Variants in SMIM14 observed in about 807,000 individuals in gnomAD.
SMIM14 encodes small integral membrane protein 14, also known as chromosome 4 open reading frame 34.
Under a neutral mutation model 12.6 loss-of-function variants are expected in SMIM14, and 5 were observed. The ratio of observed to expected loss-of-function variants is 0.40; its 90% CI spans 0.21 to 0.83. The LOEUF (loss-of-function observed/expected upper bound fraction) is 0.83, where lower values mean the gene tolerates loss of function less well. Among genes scored for constraint, SMIM14 ranks in the 40% least tolerant of loss-of-function variants. The probability of loss-of-function intolerance (pLI) is 0.37; values close to 1 mark genes in which losing one functional copy is unlikely to be tolerated. For synonymous variants in SMIM14, 30 were observed against 40.1 expected (o/e 0.75, Z 0.95); for missense variants, 86 against 119.1 (o/e 0.72, Z 1.29).
At chr4:39,603,252 A>T (rs751462669) in intron 2 of SMIM14, among the ~76,000 whole-genome samples, 50 of 152,348 alleles carry the variant, frequency 3.3e-4, no homozygotes, top group Admixed American at 1.1e-3. Flanking sequence ...TTCCTTTTGC[A>T]CATAAAAAGT....
At chr4:39,562,503 T>A (rs1712360522) in intron 3 of SMIM14, among the ~76,000 whole-genome samples, 1 of 152,154 alleles carries the variant, frequency 6.6e-6, no homozygotes, top group African/African-American at 2.4e-5. Flanking sequence ...TTTCTGTTTT[T>A]ATTGAGTCAG....
chr4:39,586,710 C>T (rs1427065431), intron 2 of SMIM14, among the ~76,000 whole-genome samples: 1 of 152,068 alleles, frequency 6.6e-6, no homozygotes, highest in Non-Finnish European at 1.5e-5. Context: ...GTTGCAAAGT[C>T]ACTTACCCGT....
At position 39,576,658 on chromosome 4, in the gene SMIM14, GTGTATATATATA is replaced by G. The variant is rs147329538; in HGVS notation, c.76-4207_76-4196del. Reference sequence around the variant, plus strand: ...AACTTATACCTATGTGTGTGTGTATGTGTATATATATATATATATATATATATTTTTTTTTTT... The same window carrying G: ...AACTTATACCTATGTGTGTGTGTATGTATATATATATATATTTTTTTTTTT... On this transcript the variant is annotated intron_variant, in intron 2 of 4. Transcript: ENST00000295958. Among the ~76,000 whole-genome samples, 47 of 40,418 alleles carry G rather than the reference GTGTATATATATA, an allele frequency of 1.2e-3. 4 individuals carry two copies. The highest frequency in any genetic ancestry group is 8.3e-3 in the East Asian group (10 of 1,206). The allele number at this position is 40,418 out of a possible 152,430, so 26.5% of individuals were successfully genotyped here.
At chr4:39,610,857 T>C (rs552237604) in intron 1 of SMIM14, among the ~76,000 whole-genome samples, 6 of 152,230 alleles carry the variant, frequency 3.9e-5, no homozygotes, top group African/African-American at 1.4e-4. Flanking sequence ...AAATTTTAAT[T>C]TTAAAAAGGC....
intron 3 of SMIM14, among the ~76,000 whole-genome samples, chr4:39,563,626 T>G (rs949129866): frequency 6.6e-6 from 1 of 152,250 alleles, no homozygotes; most frequent in Non-Finnish European, 1.5e-5. Context: ...CTGTCTGGCA[T>G]GTTCTTACAA....
intron 4 of SMIM14, among the ~76,000 whole-genome samples, chr4:39,555,231 C>G (rs1711950447): frequency 6.6e-6 from 1 of 151,378 alleles, no homozygotes; most frequent in African/African-American, 2.4e-5. Context: ...AATCCTTTAA[C>G]AGAGGTTCTT....
At chr4:39,560,511 T>A (rs1010040082) in intron 3 of SMIM14, among the ~76,000 whole-genome samples, 3 of 151,460 alleles carry the variant, frequency 2.0e-5, no homozygotes, top group Non-Finnish European at 4.4e-5. Context: ...TATATCAGAG[T>A]CAACTGAAAA....
chr4:39,592,999 T>G (rs547947777), intron 2 of SMIM14: 8 of 151,882 alleles, frequency 5.3e-5, no homozygotes, highest in East Asian at 1.9e-4. Context: ...TACCATTCCT[T>G]CTGAAACTAT....
chr4:39,567,774 G>C (rs35869506), intron 3 of SMIM14, among the ~76,000 whole-genome samples: 15,050 of 151,990 alleles, frequency 0.099, 1,007 homozygotes, highest in East Asian at 0.23. Flanking sequence ...GGGCATGGTT[G>C]TATGCTCCTG....
intron 3 of SMIM14, among the ~76,000 whole-genome samples, chr4:39,564,038 C>T (rs1162853594): frequency 4.6e-5 from 7 of 152,116 alleles, no homozygotes; most frequent in Admixed American, 4.6e-4. Context: ...AGCAATTCCC[C>T]TGCCTCACAA....
intron 3 of SMIM14, among the ~76,000 whole-genome samples, chr4:39,557,698 A>ACC (rs1360048475): frequency 3.9e-5 from 6 of 152,194 alleles, no homozygotes; most frequent in Non-Finnish European, 7.3e-5. Context: ...ACAATTTTGT[A>ACC]TATAATTGTG....
At chr4:39,620,008 C>G (rs1392154940) in intron 1 of SMIM14, among the ~76,000 whole-genome samples, 3 of 150,564 alleles carry the variant, frequency 2.0e-5, no homozygotes, top group Non-Finnish European at 4.4e-5. Flanking sequence ...TCCTGAGGAG[C>G]TGGGACTAGA....
Position 39,558,305 on chromosome 4 carries a change from T to C in SMIM14, c.125-1735A>G, listed in dbSNP as rs1712117956. Among the ~76,000 whole-genome samples the C allele has an allele frequency of 6.6e-6, 1 of 152,200 alleles. No individual in the cohort carries two copies. The highest frequency in any genetic ancestry group is 2.1e-4 in the South Asian group (1 of 4,830). ...GAATTCGAGACCAGCCTGGGCGATA[T>C]GGTGAAACCCCATCTCTGAGGGAGA... On this transcript the variant is annotated intron_variant, in intron 3 of 4. Coordinates refer to ENST00000295958, the MANE Select transcript of SMIM14 (RefSeq NM_174921.3). This position sits in a 1 kb window ranked among gnomAD's most constrained non-coding sequence, Gnocchi z 4.3.
intron 2 of SMIM14, among the ~76,000 whole-genome samples, chr4:39,584,124 A>G (rs1164878350): frequency 6.6e-6 from 1 of 151,994 alleles, no homozygotes; most frequent in African/African-American, 2.4e-5. Flanking sequence ...GAAACCAGCT[A>G]GAACCTAATA....
intron 2 of SMIM14, among the ~76,000 whole-genome samples, chr4:39,577,188 AGGC>A (rs1452571834): frequency 6.6e-6 from 1 of 151,894 alleles, no homozygotes; most frequent in Non-Finnish European, 1.5e-5. Context: ...GAGGAGGAGG[AGGC>A]TTCCCTTTGA....
At chr4:39,562,560 C>T (rs568963588) in intron 3 of SMIM14, among the ~76,000 whole-genome samples, 1 of 152,158 alleles carries the variant, frequency 6.6e-6, no homozygotes, top group African/African-American at 2.4e-5. Context: ...ACAATCACAG[C>T]TCACTGCAAC....
intron 3 of SMIM14, among the ~76,000 whole-genome samples, chr4:39,564,639 T>C (rs1310288286): frequency 9.2e-5 from 14 of 152,174 alleles, no homozygotes; most frequent in Admixed American, 9.2e-4. Flanking sequence ...AAAGATAACC[T>C]GAATGGAAAG....
chr4:39,628,598 C>T (rs1282584915), intron 1 of SMIM14, among the ~76,000 whole-genome samples: 1 of 151,586 alleles, frequency 6.6e-6, no homozygotes, highest in Admixed American at 6.6e-5. Context: ...AGGAGAATCG[C>T]TTGAACCTGG....
intron 3 of SMIM14, among the ~76,000 whole-genome samples, chr4:39,557,184 G>C (rs1440897967): frequency 2.6e-5 from 4 of 151,920 alleles, no homozygotes; most frequent in African/African-American, 9.7e-5. Flanking sequence ...GCTAATTTTT[G>C]TATTTCTAGT....
Sources: allele counts gnomAD v4.1 joint callset (sites outside exome capture counted in the v4.1 genomes callset), GRCh38; gene constraint gnomAD v4.1.1; non-coding constraint Gnocchi (gnomAD v3.1); transcripts MANE v1.5; gene names NCBI Gene and HGNC (gene_info 2026-07-23, HGNC 2026-07-21).